Variants in ATP8B4 observed in about 807,000 individuals in gnomAD.
ATP8B4 encodes the protein probable phospholipid-transporting ATPase IM.
Under a neutral mutation model 145.6 loss-of-function variants are expected in ATP8B4, and 133 were observed. The ratio of observed to expected loss-of-function variants is 0.91; its 90% CI spans 0.79 to 1.05. ATP8B4 has a LOEUF of 1.05. ATP8B4 is among the 50% of genes least tolerant of loss of function. ATP8B4 has a pLI of 0.00. For missense variants in ATP8B4, 1,458 were observed against 1,425.2 expected (o/e 1.02, Z -0.37); for synonymous variants, 507 against 492.9 (o/e 1.03, Z -0.38).
rs2045274147 is a variant in ATP8B4, at chr15:49,972,683, T to A, written c.1142A>T (p.Glu381Val). The change falls in exon 13 of 28, where the codon GAG becomes GTG. Residue 381 changes from glutamate (E) to valine (V), a missense_variant. Physicochemically the swap from Glu to Val is moderately radical, Grantham distance 121 (BLOSUM62 -2). Transcript: ENST00000284509. ...PAVARTTTLN[E>V]ELGQIEYIFS... is the part of the protein sequence containing the mutation. ...AATGTACTCAATCTGCCCCAGTTCC[T>A]CATTGAGCGTGGTCGTTCGAGCCAC... 6.2e-7 allele frequency: 1 copy of A among 1,613,888 alleles called. No individual in the cohort carries two copies. The highest frequency in any genetic ancestry group is 1.3e-5 in the African/African-American group (1 of 74,900).
intron 1 of ATP8B4, among the ~76,000 whole-genome samples, chr15:50,172,011 A>G (rs2044681264): frequency 1.3e-5 from 2 of 152,212 alleles, no homozygotes; most frequent in South Asian, 2.1e-4. Context: ...CCTAGCTTAA[A>G]TCAGGAAGGA....
rs1225392348 is a variant in ATP8B4 at position 50,047,203 on chromosome 15, A to G, written c.201+148T>C. 7.2e-5 allele frequency: 43 copies of G among 598,296 alleles called. 2 individuals carry two copies. The Admixed American group carries it at 1.3e-3, about 18-fold the overall frequency. The allele number at this position is 598,296 out of a possible 1,614,324, so 37.1% of individuals were successfully genotyped here. ...ATTCCTACCTCTCCCACGTTTGTGA[A>G]AAGAAACAGCAACAACAAGATTAAA... On this transcript the variant is annotated intron_variant, in intron 4 of 27. Coordinates refer to ENST00000284509, the MANE Select transcript of ATP8B4 (RefSeq NM_024837.4).
intron 3 of ATP8B4, among the ~76,000 whole-genome samples, chr15:50,061,236 A>G (rs907318999): frequency 6.6e-6 from 1 of 152,184 alleles, no homozygotes; most frequent in South Asian, 2.1e-4. Context: ...CTCCACTTTC[A>G]ATTTAAGCTC....
intron 9 of ATP8B4, among the ~76,000 whole-genome samples, chr15:49,990,270 AGAG>A (rs1165105238): frequency 1.3e-5 from 2 of 152,214 alleles, no homozygotes; most frequent in Non-Finnish European, 2.9e-5. Context: ...TAGTTGAATC[AGAG>A]AAGAGAAAGA....
chr15:49,918,444 A>G (rs1297172349), intron 19 of ATP8B4, among the ~76,000 whole-genome samples: 5 of 152,134 alleles, frequency 3.3e-5, no homozygotes, highest in Non-Finnish European at 7.4e-5. Context: ...CAAATTCCCC[A>G]CCATCAAGAA....
intron 2 of ATP8B4, among the ~76,000 whole-genome samples, chr15:50,081,546 C>T (rs910854207): frequency 3.3e-5 from 5 of 152,150 alleles, no homozygotes; most frequent in Admixed American, 1.3e-4. Context: ...TCTTCTCCAT[C>T]ATAATATAAT....
chr15:49,862,385 A>G lies in ATP8B4; in HGVS notation c.3167-10T>C, dbSNP rs1341728016. The G allele has an allele frequency of 6.2e-7, 1 of 1,611,902 alleles. No homozygotes were observed. Among genetic ancestry groups the G allele is most frequent in the East Asian group, 2.2e-5 (1 of 44,754 alleles). On this transcript the variant is annotated splice_polypyrimidine_tract_variant and intron_variant, in intron 26 of 27. Coordinates refer to ENST00000284509, the MANE Select transcript of ATP8B4 (RefSeq NM_024837.4). ...GAATGTCGTGCATTACCTATCAATCATTAAAGAAAATATACACTGTGGTTA... is the reference window on the plus strand; with the variant it reads ...GAATGTCGTGCATTACCTATCAATCGTTAAAGAAAATATACACTGTGGTTA...
At chr15:49,877,757 A>C (rs2034703949) in intron 24 of ATP8B4, among the ~76,000 whole-genome samples, 1 of 152,204 alleles carries the variant, frequency 6.6e-6, no homozygotes, top group African/African-American at 2.4e-5. Flanking sequence ...CGCCATGATT[A>C]AACCAGTATG....
chr15:49,914,370 A>C (rs1277421787), intron 20 of ATP8B4, among the ~76,000 whole-genome samples: 2 of 152,202 alleles, frequency 1.3e-5, no homozygotes, highest in Non-Finnish European at 2.9e-5. Flanking sequence ...AAATGATATA[A>C]CTACTAGAAG....
intron 3 of ATP8B4, among the ~76,000 whole-genome samples, chr15:50,071,920 C>G (rs1239203201): frequency 6.6e-6 from 1 of 152,112 alleles, no homozygotes; most frequent in African/African-American, 2.4e-5. Flanking sequence ...ATACTGAATT[C>G]CTACAGGGAA....
chr15:50,072,274 T>TTTCA (rs2053793986), intron 3 of ATP8B4, among the ~76,000 whole-genome samples: 1 of 152,120 alleles, frequency 6.6e-6, no homozygotes, highest in African/African-American at 2.4e-5. Flanking sequence ...TGAGACTTTC[T>TTTCA]TTCATTAAAT....
intron 2 of ATP8B4, among the ~76,000 whole-genome samples, chr15:50,094,743 C>T (rs1462431183): frequency 1.4e-5 from 2 of 145,738 alleles, no homozygotes; most frequent in Non-Finnish European, 1.5e-5. Flanking sequence ...CACACATATA[C>T]ATTCCGTTTT....
At chr15:49,983,255 C>T (rs904577421) in intron 10 of ATP8B4, among the ~76,000 whole-genome samples, 2 of 152,162 alleles carry the variant, frequency 1.3e-5, no homozygotes, top group African/African-American at 2.4e-5. Flanking sequence ...TATATTTCCA[C>T]CTGGATTCTT....
intron 2 of ATP8B4, among the ~76,000 whole-genome samples, chr15:50,088,964 A>G (rs1226449582): frequency 6.6e-6 from 1 of 152,190 alleles, no homozygotes; most frequent in East Asian, 1.9e-4. Flanking sequence ...CCATTGGTCT[A>G]TGTGTCTGTT....
intron 6 of ATP8B4, among the ~76,000 whole-genome samples, chr15:50,024,714 G>C (rs1016890576): frequency 6.6e-6 from 1 of 152,168 alleles, no homozygotes; most frequent in African/African-American, 2.4e-5. Context: ...GCTGCAACCT[G>C]GGGGCAGCTG....
At chr15:50,177,894 C>T (rs58073453) in intron 1 of ATP8B4, among the ~76,000 whole-genome samples, 4 of 152,160 alleles carry the variant, frequency 2.6e-5, no homozygotes, top group Admixed American at 6.5e-5. Context: ...TAGGAAGGGA[C>T]GCCACCTGCT....
At chr15:49,938,494 C>A (rs1280907912) in intron 14 of ATP8B4, among the ~76,000 whole-genome samples, 1 of 151,944 alleles carries the variant, frequency 6.6e-6, no homozygotes, top group African/African-American at 2.4e-5. Context: ...AAACCAATAA[C>A]AGTAAAAAAA....
intron 1 of ATP8B4, among the ~76,000 whole-genome samples, chr15:50,178,768 A>G (rs999177582): frequency 6.6e-6 from 1 of 152,250 alleles, no homozygotes; most frequent in Non-Finnish European, 1.5e-5. Context: ...AAATATGCAT[A>G]ACATAAAAAT....
chr15:49,948,296 A>AT (rs1567053713), intron 14 of ATP8B4, among the ~76,000 whole-genome samples: 1 of 151,536 alleles, frequency 6.6e-6, no homozygotes, highest in Non-Finnish European at 1.5e-5. Context: ...AAAAAAAAAA[A>AT]AAATCAGCCA....
Sources: gnomAD v4.1 joint callset for allele counts (sites outside exome capture counted in the v4.1 genomes callset) on GRCh38, gnomAD v4.1.1 for gene constraint, MANE v1.5 for transcripts, NCBI Gene and HGNC (gene_info 2026-07-23, HGNC 2026-07-21) for gene names.